ZNF536: variants seen among roughly 807,000 people sequenced by gnomAD.
ZNF536 encodes zinc finger protein 536.
ZNF536 carries 13 observed loss-of-function variants against 84.5 expected under a neutral mutation model. That is an observed-to-expected ratio of 0.15 (90% CI 0.10 to 0.24). The LOEUF (loss-of-function observed/expected upper bound fraction) is 0.24. Among genes scored for constraint, ZNF536 ranks in the 10% least tolerant of loss-of-function variants. The pLI is 1.00. For synonymous variants in ZNF536, 811 were observed against 742.5 expected (o/e 1.09, Z -1.50); for missense variants, 1,536 against 1,747.5 (o/e 0.88, Z 2.16).
chr19:30,481,464 C>T (rs994826489), intron 2 of ZNF536, among the ~76,000 whole-genome samples: 7 of 152,126 alleles, frequency 4.6e-5, no homozygotes, highest in African/African-American at 7.2e-5. Flanking sequence ...ACCAGCCTCT[C>T]GTGTCCTGGA....
At chr19:30,572,690 GACAA>G (rs377501169) in intron 1 of ZNF536, among the ~76,000 whole-genome samples, 4 of 152,252 alleles carry the variant, frequency 2.6e-5, no homozygotes, top group African/African-American at 9.6e-5. Context: ...TGGGGACACT[GACAA>G]ACAAACAAAC....
chr19:30,391,998 A>C (rs2049611344), intron 1 of ZNF536, among the ~76,000 whole-genome samples: 1 of 152,090 alleles, frequency 6.6e-6, no homozygotes, highest in South Asian at 2.1e-4. Context: ...CCCCGCCAAA[A>C]AAAGTGTATT....
At chr19:30,435,947 A>G (rs1324678412) in intron 1 of ZNF536, among the ~76,000 whole-genome samples, 1 of 152,164 alleles carries the variant, frequency 6.6e-6, no homozygotes, top group Non-Finnish European at 1.5e-5. Context: ...CACCAAACCC[A>G]AACCAAAAAT....
At chr19:30,522,523 C>T (rs2044403148) in intron 2 of ZNF536, among the ~76,000 whole-genome samples, 1 of 151,602 alleles carries the variant, frequency 6.6e-6, no homozygotes, top group African/African-American at 2.4e-5. Flanking sequence ...ATAAAAAATG[C>T]ATATTTACCA....
At chr19:30,242,871 T>C (rs2144897849) in intron 1 of ZNF536, among the ~76,000 whole-genome samples, 1 of 152,372 alleles carries the variant, frequency 6.6e-6, no homozygotes, top group Admixed American at 6.5e-5. Context: ...GAAAATGAAA[T>C]ATGTCCTGGC....
chr19:30,383,785 TTTC>T (rs1280065956), intron 1 of ZNF536, among the ~76,000 whole-genome samples: 2 of 148,474 alleles, frequency 1.3e-5, no homozygotes, highest in South Asian at 2.2e-4. Context: ...TCTTTCTTTC[TTTC>T]TTTTCTTTCT....
At chr19:30,317,095 CAAT>C (rs1231165021) in intron 2 of ZNF536, among the ~76,000 whole-genome samples, 9 of 152,184 alleles carry the variant, frequency 5.9e-5, no homozygotes, top group Admixed American at 1.3e-4. Context: ...GCCTGTAGTT[CAAT>C]AACTTAAAAT....
exon 3 of ZNF536, chr19:30,352,451 G>T (rs1168639235): frequency 1.3e-5 from 2 of 152,242 alleles, no homozygotes; most frequent in Admixed American, 6.5e-5. Context: ...CAGACTGACA[G>T]TCCTTAAGAC....
intron 1 of ZNF536, among the ~76,000 whole-genome samples, chr19:30,269,933 C>T (rs875490): frequency 0.28 from 41,990 of 152,046 alleles, 6,139 homozygotes; most frequent in Middle Eastern, 0.35. Flanking sequence ...TTTCCACAGT[C>T]GTTACTGGGT....
chr19:30,669,694 C>T (rs1271550329), intron 1 of ZNF536, among the ~76,000 whole-genome samples: 1 of 152,194 alleles, frequency 6.6e-6, no homozygotes, highest in Non-Finnish European at 1.5e-5. Flanking sequence ...AGGGGGGCTG[C>T]GTGGGGTAGA....
At chr19:30,599,884 G>T (rs2047621486) in intron 1 of ZNF536, among the ~76,000 whole-genome samples, 1 of 152,152 alleles carries the variant, frequency 6.6e-6, no homozygotes, top group Admixed American at 6.5e-5. Context: ...AAGCTGTAGA[G>T]TCCCCTCCAA....
At chr19:30,524,073 G>A (rs1238514738) in intron 2 of ZNF536, among the ~76,000 whole-genome samples, 1 of 152,192 alleles carries the variant, frequency 6.6e-6, no homozygotes, top group East Asian at 1.9e-4. Flanking sequence ...ACGGCGGCAG[G>A]CTCACAAGCC....
At chr19:30,652,523 G>A (rs1045106471) in intron 1 of ZNF536, among the ~76,000 whole-genome samples, 3 of 152,096 alleles carry the variant, frequency 2.0e-5, no homozygotes, top group Non-Finnish European at 4.4e-5. Flanking sequence ...GGAGAGTCAC[G>A]CAAGTAAAGC....
chr19:30,319,577 G>T (rs2146222783), intron 2 of ZNF536, among the ~76,000 whole-genome samples: 2 of 152,258 alleles, frequency 1.3e-5, no homozygotes, highest in South Asian at 4.1e-4. Flanking sequence ...CAAATTGCAG[G>T]GCAGATTTTT....
intron 1 of ZNF536, among the ~76,000 whole-genome samples, chr19:30,685,736 A>T (rs1398430076): frequency 1.3e-5 from 2 of 152,028 alleles, no homozygotes; most frequent in Admixed American, 1.3e-4. Flanking sequence ...AACCAGGGGG[A>T]TGGGGGCACC....
At chr19:30,258,856 T>A (rs1421457673) in intron 1 of ZNF536, among the ~76,000 whole-genome samples, 3 of 151,948 alleles carry the variant, frequency 2.0e-5, no homozygotes, top group Non-Finnish European at 2.9e-5. Flanking sequence ...TAGCTGGGAT[T>A]ACAGGTGTGC....
At chr19:30,229,402 A>C (rs1375213353) in intron 1 of ZNF536, among the ~76,000 whole-genome samples, 1 of 152,176 alleles carries the variant, frequency 6.6e-6, no homozygotes, top group East Asian at 1.9e-4. Context: ...AGTGTCTCAA[A>C]TTTTATTGAA....
At chr19:30,312,322 G>A (rs149843996) in intron 2 of ZNF536, among the ~76,000 whole-genome samples, 11 of 152,170 alleles carry the variant, frequency 7.2e-5, no homozygotes, top group South Asian at 4.1e-4. Context: ...AGAGGGGGAC[G>A]CGCCACAACT....
chr19:30,384,146 TTC>T, intron 1 of ZNF536, among the ~76,000 whole-genome samples: 1 of 87,164 alleles, frequency 1.1e-5, no homozygotes, highest in South Asian at 4.9e-4. Flanking sequence ...CTTTCTTTCT[TTC>T]TTTCTTTCTT....
Sources: allele counts gnomAD v4.1 joint callset (sites outside exome capture counted in the v4.1 genomes callset), GRCh38; gene constraint gnomAD v4.1.1; transcripts MANE v1.5; gene names NCBI Gene and HGNC (gene_info 2026-07-23, HGNC 2026-07-21).